FRMD6: variants seen among roughly 807,000 people sequenced by gnomAD.
FRMD6 encodes FERM domain containing 6, also known as FERM domain-containing protein 6.
A neutral mutation model predicts 73.2 loss-of-function variants in FRMD6; 37 were observed. That is an observed-to-expected ratio of 0.51 (90% confidence interval 0.39 to 0.66). The LOEUF is 0.66. FRMD6 is among the 30% of genes least tolerant of loss of function. The pLI is 0.00. For missense variants in FRMD6, 714 were observed against 780.5 expected, an observed-to-expected ratio of 0.91 and a Z score of 1.02; for synonymous variants, 273 against 282.2, an observed-to-expected ratio of 0.97 and a Z score of 0.33.
intron 2 of FRMD6, among the ~76,000 whole-genome samples, chr14:51,576,765 A>T (rs775908324): frequency 6.6e-6 from 1 of 152,152 alleles, no homozygotes. Flanking sequence ...GGAACCTCCC[A>T]ATATCAAATT....
At chr14:51,415,110 G>T in the FRMD6 span, among the ~76,000 whole-genome samples, 5 of 152,192 alleles carry the variant, frequency 3.3e-5, no homozygotes, top group Non-Finnish European at 7.3e-5. Flanking sequence ...GGGACAATTT[G>T]ACTTCCTCTT....
At chr14:51,399,157 C>G in the FRMD6 span, among the ~76,000 whole-genome samples, 1 of 152,204 alleles carries the variant, frequency 6.6e-6, no homozygotes. Flanking sequence ...AAACCTTACC[C>G]TTTCGTCATT....
chr14:51,722,532 T>C (rs1038475518), intron 12 of FRMD6, among the ~76,000 whole-genome samples: 1 of 152,172 alleles, frequency 6.6e-6, no homozygotes, highest in East Asian at 1.9e-4. Flanking sequence ...CACTGTGTTA[T>C]ACTGGTAGAG....
At chr14:51,670,953 A>G (rs762283334) in intron 1 of FRMD6, among the ~76,000 whole-genome samples, 2 of 152,140 alleles carry the variant, frequency 1.3e-5, no homozygotes, top group East Asian at 1.9e-4. Flanking sequence ...GGCGGTTTGT[A>G]TGTTTTATCA....
chr14:51,593,136 G>T (rs1001110401), intron 2 of FRMD6, among the ~76,000 whole-genome samples: 1 of 152,098 alleles, frequency 6.6e-6, no homozygotes, highest in Non-Finnish European at 1.5e-5. Context: ...TTCATTGCAG[G>T]GTCCTCGGTG....
chr14:51,443,929 C>G, the FRMD6 span, among the ~76,000 whole-genome samples: 20 of 145,032 alleles, frequency 1.4e-4, no homozygotes, highest in Admixed American at 1.4e-3. Context: ...TTATCCCTTT[C>G]AAGCAAGTTG....
chr14:51,583,969 A>G (rs1888880909), intron 2 of FRMD6, among the ~76,000 whole-genome samples: 1 of 152,226 alleles, frequency 6.6e-6, no homozygotes, highest in Non-Finnish European at 1.5e-5. Flanking sequence ...AAACTTTTAT[A>G]TAGAGCCTTG....
chr14:51,531,728 A>C (rs897917361), intron 1 of FRMD6, among the ~76,000 whole-genome samples: 2 of 152,244 alleles, frequency 1.3e-5, no homozygotes, highest in Non-Finnish European at 2.9e-5. Context: ...ATTGTGGAAC[A>C]GGTGAAGTTC....
At chr14:51,662,412 C>T (rs991311602) in intron 1 of FRMD6, among the ~76,000 whole-genome samples, 8 of 151,976 alleles carry the variant, frequency 5.3e-5, no homozygotes, top group African/African-American at 1.7e-4. Context: ...ATTAGAGCAA[C>T]AGTGACCAAA....
chr14:51,414,874 G>T, the FRMD6 span, among the ~76,000 whole-genome samples: 5 of 152,164 alleles, frequency 3.3e-5, no homozygotes, highest in Admixed American at 6.5e-5. Context: ...CACATCCCTT[G>T]TAAGTTGGAT....
intron 2 of FRMD6, chr14:51,697,861 A>G (rs1896049158): frequency 4.3e-6 from 1 of 234,926 alleles, no homozygotes; most frequent in Non-Finnish European, 8.3e-6. Flanking sequence ...TCTGAAACTC[A>G]TTTATCATTT....
At chr14:51,701,390 A>G (rs1896302157) in intron 4 of FRMD6, among the ~76,000 whole-genome samples, 1 of 146,400 alleles carries the variant, frequency 6.8e-6, no homozygotes, top group Non-Finnish European at 1.5e-5. Flanking sequence ...ATATAGTAGT[A>G]TATATACTTA....
At chr14:51,447,142 G>A in the FRMD6 span, among the ~76,000 whole-genome samples, 2 of 152,172 alleles carry the variant, frequency 1.3e-5, no homozygotes, top group Non-Finnish European at 2.9e-5. Flanking sequence ...CATTTCCATG[G>A]CATGGAGTAG....
chr14:51,559,491 T>C (rs1409142173), intron 1 of FRMD6, among the ~76,000 whole-genome samples: 1 of 152,008 alleles, frequency 6.6e-6, no homozygotes. Context: ...TTTTTTTTTT[T>C]TTTAAGCAAG....
chr14:51,470,554 A>G, the FRMD6 span, among the ~76,000 whole-genome samples: 1 of 151,716 alleles, frequency 6.6e-6, no homozygotes, highest in Non-Finnish European at 1.5e-5. Flanking sequence ...TCTTTTATCT[A>G]TCTATTGTCT....
chr14:51,673,022 C>T (rs1465835709), intron 1 of FRMD6, among the ~76,000 whole-genome samples: 1 of 152,074 alleles, frequency 6.6e-6, no homozygotes, highest in African/African-American at 2.4e-5. Context: ...TTACTTGGGC[C>T]CAGTTTGATC....
rs143455082 is a variant in FRMD6, at chr14:51,589,215, G to A, written c.-147+18805G>A. On this transcript the variant is annotated intron_variant, in intron 2 of 14. Transcript: ENST00000356218. Reference sequence around the variant, plus strand: ...ACAGCATTATCAATCCCATTTTACAGATGGGAAAACCAGAGGATAAGTGAC... The same window carrying A: ...ACAGCATTATCAATCCCATTTTACAAATGGGAAAACCAGAGGATAAGTGAC... Among the ~76,000 whole-genome samples, 538 of 152,222 alleles carry A rather than the reference G, an allele frequency of 3.5e-3. 4 individuals carry two copies. Among genetic ancestry groups the A allele is most frequent in the African/African-American group, 0.012 (513 of 41,524 alleles).
upstream of FRMD6, among the ~76,000 whole-genome samples, chr14:51,485,658 A>G (rs963631081): frequency 1.3e-5 from 2 of 152,192 alleles, no homozygotes; most frequent in Non-Finnish European, 2.9e-5. Flanking sequence ...TTTCTGTTCA[A>G]TATGTGATCC....
chr14:51,638,843 A>G (rs1891691398), intron 2 of FRMD6, among the ~76,000 whole-genome samples: 1 of 152,214 alleles, frequency 6.6e-6, no homozygotes, highest in Non-Finnish European at 1.5e-5. Context: ...ATGACCTCAC[A>G]TAATTCCTTG....
Sources: allele counts gnomAD v4.1 joint callset (sites outside exome capture counted in the v4.1 genomes callset), GRCh38; gene constraint gnomAD v4.1.1; transcripts MANE v1.5; gene names NCBI Gene and HGNC (gene_info 2026-07-23, HGNC 2026-07-21).